PCBP3: variants seen among roughly 807,000 people sequenced by gnomAD.
The protein encoded by PCBP3 is poly(rC)-binding protein 3.
In PCBP3, 25 loss-of-function variants were observed where a neutral mutation model predicts 52.7. The ratio of observed to expected loss-of-function variants is 0.47; its 90% CI spans 0.35 to 0.66. The LOEUF is 0.66. Ranked by LOEUF, PCBP3 falls within the 30% of genes least tolerant of loss-of-function variation. The pLI is 0.01. For synonymous variants in PCBP3, 162 were observed against 183.0 expected (o/e 0.89, Z 0.93); for missense variants, 391 against 490.3 (o/e 0.80, Z 1.91).
intron 4 of PCBP3, among the ~76,000 whole-genome samples, chr21:45,808,254 G>A (rs1255747477): frequency 6.6e-6 from 1 of 152,156 alleles, no homozygotes; most frequent in Non-Finnish European, 1.5e-5. Context: ...AGAGTGATCA[G>A]GCAGCCTACA....
rs1937354781 is a variant in PCBP3, at chr21:45,917,622, A to T, written c.710A>T (p.His237Leu). 1 of 1,612,816 alleles carries T rather than the reference A, an allele frequency of 6.2e-7. No homozygotes were observed. The highest frequency in any genetic ancestry group is 8.5e-7 in the Non-Finnish European group (1 of 1,178,986). Residue 237 changes from histidine to leucine, a missense_variant, in exon 13 of 18, where the codon CAC becomes CTC. Transcript: ENST00000681687. This position sits in a 1 kb window ranked among gnomAD's most constrained non-coding sequence, Gnocchi z 5.3. ...YTIQGQYAIP[H>L]PDQLTKLHQL... ...ATCCAGGGACAGTATGCCATCCCTCACCCGGATGTGAGTCTTCACTTTGTC... is the reference window on the plus strand; with the variant it reads ...ATCCAGGGACAGTATGCCATCCCTCTCCCGGATGTGAGTCTTCACTTTGTC...
intron 2 of PCBP3, among the ~76,000 whole-genome samples, chr21:45,727,829 A>G (rs1043107516): frequency 6.6e-6 from 1 of 152,218 alleles, no homozygotes; most frequent in African/African-American, 2.4e-5. Context: ...CCTCCAGGTC[A>G]GCAAGCCCTG....
At chr21:45,666,999 C>A (rs934848461) in intron 1 of PCBP3, among the ~76,000 whole-genome samples, 1 of 152,000 alleles carries the variant, frequency 6.6e-6, no homozygotes, top group South Asian at 2.1e-4. Flanking sequence ...GGGAGGTTTT[C>A]AATTATAATC....
intron 3 of PCBP3, among the ~76,000 whole-genome samples, chr21:45,754,170 T>C (rs2087808194): frequency 1.3e-5 from 2 of 152,182 alleles, no homozygotes; most frequent in South Asian, 4.1e-4. Flanking sequence ...AATATTGGCA[T>C]GTGGCATAGA....
intron 4 of PCBP3, among the ~76,000 whole-genome samples, chr21:45,823,139 T>G (rs1249523550): frequency 1.3e-5 from 2 of 152,196 alleles, no homozygotes; most frequent in Non-Finnish European, 2.9e-5. Flanking sequence ...GAGATTAGAA[T>G]TAGACTTTTT....
At chr21:45,662,268 T>A (rs866975683) in intron 1 of PCBP3, among the ~76,000 whole-genome samples, 4 of 140,974 alleles carry the variant, frequency 2.8e-5, no homozygotes, top group Admixed American at 7.5e-5. Context: ...CCAATATACC[T>A]AAGTTTTTTT....
At chr21:45,776,556 G>GTA (rs144526189) in intron 4 of PCBP3, among the ~76,000 whole-genome samples, 7,105 of 149,654 alleles carry the variant, frequency 0.047, 221 homozygotes, top group African/African-American at 0.092. Flanking sequence ...CTGGTGTTGG[G>GTA]TATATATATA....
At chr21:45,851,252 C>T (rs1023560485) in intron 5 of PCBP3, among the ~76,000 whole-genome samples, 4 of 152,216 alleles carry the variant, frequency 2.6e-5, no homozygotes, top group African/African-American at 7.2e-5. Flanking sequence ...TGGTGGCTCA[C>T]GCCTGTAATC....
intron 4 of PCBP3, among the ~76,000 whole-genome samples, chr21:45,843,283 A>G (rs1301080290): frequency 2.0e-5 from 3 of 152,198 alleles, no homozygotes; most frequent in Non-Finnish European, 2.9e-5. Context: ...TTACGTGACT[A>G]CTATCCCCTG....
chr21:45,644,841 G>C (rs2079152255), intron 1 of PCBP3, among the ~76,000 whole-genome samples: 1 of 152,186 alleles, frequency 6.6e-6, no homozygotes, highest in Admixed American at 6.5e-5. Context: ...CTCTGGCACA[G>C]GCCCTCACAT....
chr21:45,835,446 C>T (rs1391195054), intron 4 of PCBP3, among the ~76,000 whole-genome samples: 1 of 152,214 alleles, frequency 6.6e-6, no homozygotes, highest in Non-Finnish European at 1.5e-5. Flanking sequence ...TCTACACCTC[C>T]CTGCCGGCCG....
intron 5 of PCBP3, among the ~76,000 whole-genome samples, chr21:45,875,209 G>A (rs540551634): frequency 3.3e-5 from 5 of 152,184 alleles, no homozygotes; most frequent in East Asian, 3.9e-4. Flanking sequence ...CACGCGGCGC[G>A]CTCCAGCTGA....
chr21:45,733,568 G>C lies in PCBP3; in HGVS notation c.-199-1824G>C, dbSNP rs1184317162. The stretch of plus-strand genomic sequence containing the variant: ...GGCCTCCCAAAGTGCTGGGATTACA[G>C]GCATGAGCCACCGTGCCTGGCCTAT... On this transcript the variant is annotated intron_variant, in intron 2 of 17. Coordinates refer to ENST00000681687, the MANE Select transcript of PCBP3 (RefSeq NM_001384156.1). Among the ~76,000 whole-genome samples the C allele has an allele frequency of 2.0e-5, 3 of 151,886 alleles. No homozygotes were observed. The East Asian group carries it at 5.8e-4, about 29-fold the overall frequency.
At chr21:45,728,563 A>G (rs148604766) in intron 2 of PCBP3, 1 of 152,250 alleles carries the variant, frequency 6.6e-6, no homozygotes, top group East Asian at 1.9e-4. Flanking sequence ...ATTTTTTATC[A>G]TGTTAATGCT....
intron 2 of PCBP3, among the ~76,000 whole-genome samples, chr21:45,691,417 T>C (rs2082461264): frequency 7.1e-6 from 1 of 141,284 alleles, no homozygotes; most frequent in Non-Finnish European, 1.5e-5. Flanking sequence ...ATATATTATA[T>C]ATATATAAAA....
At chr21:45,743,123 T>C (rs1186629336) in intron 3 of PCBP3, among the ~76,000 whole-genome samples, 1 of 152,232 alleles carries the variant, frequency 6.6e-6, no homozygotes, top group Non-Finnish European at 1.5e-5. Flanking sequence ...GTAGGTTTTA[T>C]CTTTCAAATT....
At chr21:45,786,853 G>A (rs575004972) in intron 4 of PCBP3, among the ~76,000 whole-genome samples, 9 of 152,294 alleles carry the variant, frequency 5.9e-5, no homozygotes, top group Admixed American at 1.3e-4. Flanking sequence ...GTAAATAGCA[G>A]TGTGTCCTGA....
chr21:45,825,826 G>A (rs1242126032), intron 4 of PCBP3, among the ~76,000 whole-genome samples: 2 of 152,156 alleles, frequency 1.3e-5, no homozygotes, highest in East Asian at 3.9e-4. Context: ...GGGCGCATGT[G>A]GAATCTTTCA....
chr21:45,679,755 G>A (rs1056296626), intron 2 of PCBP3, among the ~76,000 whole-genome samples: 12 of 152,044 alleles, frequency 7.9e-5, no homozygotes, highest in South Asian at 4.1e-4. Flanking sequence ...CAGTTCTTAC[G>A]AATCATGTTT....
Sources: allele counts gnomAD v4.1 joint callset (sites outside exome capture counted in the v4.1 genomes callset), GRCh38; gene constraint gnomAD v4.1.1; non-coding constraint Gnocchi (gnomAD v3.1); transcripts MANE v1.5; gene names NCBI Gene and HGNC (gene_info 2026-07-23, HGNC 2026-07-21).